The following NTNG2 variants were observed in gnomAD, a reference collection of about 807,000 sequenced individuals.
NTNG2 encodes netrin G2, also known as netrin-G2.
NTNG2 carries 15 observed loss-of-function variants against 47.6 expected under a neutral mutation model. The observed-to-expected ratio is 0.32, with a 90% CI of 0.21 to 0.49. NTNG2 has a LOEUF of 0.49. Among genes scored for constraint, NTNG2 ranks in the 20% least tolerant of loss-of-function variants. The pLI, the probability that NTNG2 is intolerant of heterozygous loss-of-function variation, is 0.99. For synonymous variants in NTNG2, 307 were observed against 324.6 expected, an observed-to-expected ratio of 0.95 and a Z score of 0.58; for missense variants, 578 against 764.6, an observed-to-expected ratio of 0.76 and a Z score of 2.88.
At chr9:132,187,018 G>A (rs535249876) in intron 2 of NTNG2, among the ~76,000 whole-genome samples, 39 of 152,346 alleles carry the variant, frequency 2.6e-4, no homozygotes, top group African/African-American at 8.4e-4. Flanking sequence ...GGTGAGGGGC[G>A]GTGAGGAGAG....
intron 3 of NTNG2, among the ~76,000 whole-genome samples, chr9:132,224,962 T>A (rs1417653934): frequency 3.3e-5 from 5 of 152,114 alleles, no homozygotes; most frequent in African/African-American, 1.2e-4. Context: ...TCGCTCTGTC[T>A]CCCAGGCTGG....
chr9:132,201,924 G>A (rs1838789001), intron 3 of NTNG2, among the ~76,000 whole-genome samples: 1 of 152,162 alleles, frequency 6.6e-6, no homozygotes, highest in South Asian at 2.1e-4. Flanking sequence ...TTCAGATGAA[G>A]AAGCCAAGGA....
chr9:132,238,142 G>A (rs982918209), intron 5 of NTNG2, among the ~76,000 whole-genome samples: 1 of 146,740 alleles, frequency 6.8e-6, no homozygotes, highest in East Asian at 2.1e-4. Flanking sequence ...TTGCTGGAGG[G>A]TGGGTGGGTG....
chr9:132,200,636 GT>G (rs1184851865), intron 3 of NTNG2, among the ~76,000 whole-genome samples: 1 of 152,154 alleles, frequency 6.6e-6, no homozygotes, highest in Non-Finnish European at 1.5e-5. Flanking sequence ...TTTGCATTTT[GT>G]TTCACTTTGA....
chr9:132,241,775 G>A, intron 7 of NTNG2, 101 bp from the exon 8 acceptor site: 1 of 870,360 alleles, frequency 1.1e-6, no homozygotes, highest in Non-Finnish European at 1.7e-6. Flanking sequence ...CCCCGGCCCA[G>A]ACGGCGCCCC....
rs770168260 is a variant in NTNG2 at position 132,166,955 on chromosome 9, A to G, written c.124A>G (p.Lys42Glu). Residue 42 changes from lysine (K) to glutamate (E), a missense_variant, in exon 2 of 8, where the codon AAG becomes GAG. By Grantham distance (56) the Lys-to-Glu change is moderately conservative (BLOSUM62 1). Transcript: ENST00000393229. ...CTGGGAGTTCTACGCCTGCCAGCCC[A>G]AGGTGATGCGCCTGAAGGACTACGT... ...PTWEFYACQP[K>E]VMRLKDYVKV... is the part of the protein sequence containing the mutation. 1.9e-6 allele frequency: 3 copies of G among 1,614,250 alleles called. No homozygotes were observed. Among genetic ancestry groups the G allele is most frequent in the Non-Finnish European group, 2.5e-6 (3 of 1,180,032 alleles).
intron 2 of NTNG2, among the ~76,000 whole-genome samples, chr9:132,190,581 C>T (rs965261007): frequency 4.6e-5 from 7 of 152,222 alleles, no homozygotes; most frequent in African/African-American, 1.7e-4. Flanking sequence ...CCCACAGGCA[C>T]ATTTACCTCC....
chr9:132,198,108 T>C lies in NTNG2; in HGVS notation c.356T>C (p.Leu119Pro). 6.2e-7 allele frequency: 1 copy of C among 1,613,872 alleles called. No homozygotes were observed. The highest frequency in any genetic ancestry group is 1.1e-5 in the South Asian group (1 of 91,084). ...SITWSRYPSPLEANITLSWNK... is the reference protein window; with the variant it reads ...SITWSRYPSPPEANITLSWNK... The stretch of plus-strand genomic sequence containing the variant: ...ACCTGGAGCCGCTACCCCAGCCCGC[T>C]GGAAGCCAACATCACCCTTTCGTGG... Residue 119 changes from leucine to proline, a missense_variant, in exon 3 of 8, where the codon CTG (leucine) becomes CCG (proline). By Grantham distance (98) the Leu-to-Pro change is moderately conservative (BLOSUM62 -3). Coordinates refer to ENST00000393229, the MANE Select transcript of NTNG2 (RefSeq NM_032536.4).
intron 4 of NTNG2, 46 bp downstream of exon 4, chr9:132,227,067 TC>T: frequency 6.6e-7 from 1 of 1,520,052 alleles, no homozygotes; most frequent in Non-Finnish European, 8.8e-7. Context: ...GCTATAATCT[TC>T]CCTGCCCGTC....
chr9:132,187,160 C>A (rs1837454627), intron 2 of NTNG2, among the ~76,000 whole-genome samples: 1 of 152,220 alleles, frequency 6.6e-6, no homozygotes, highest in Non-Finnish European at 1.5e-5. Context: ...TGTGGCCCCC[C>A]TGGGGGAGGA....
intron 3 of NTNG2, among the ~76,000 whole-genome samples, chr9:132,216,428 A>G (rs3929787): frequency 0.057 from 5,002 of 87,610 alleles, 593 homozygotes; most frequent in African/African-American, 0.22. Context: ...GTGTGTGTGT[A>G]TGTGTGTGTG....
rs1244259284 is a variant in NTNG2 at position 132,241,949 on chromosome 9, C to G, written c.1431C>G (p.Cys477Trp). The change falls in exon 8 of 8, where the codon TGC (cysteine) becomes TGG (tryptophan). Residue 477 changes from cysteine to tryptophan, a missense_variant. Cys to Trp is a radical substitution (Grantham distance 215). Coordinates refer to ENST00000393229, the MANE Select transcript of NTNG2 (RefSeq NM_032536.4). ...GTCLQNQRCA[C>W]PRGYTGVRCE... is the part of the protein sequence containing the mutation. ...GCCTGCAGAACCAGCGCTGCGCCTG[C>G]CCGCGCGGCTACACCGGCGTGCGCT... 1 of 1,558,356 alleles carries G rather than the reference C, an allele frequency of 6.4e-7. No individual in the cohort carries two copies. The highest frequency in any genetic ancestry group is 8.6e-7 in the Non-Finnish European group (1 of 1,160,560).
At chr9:132,214,334 C>T (rs1193852313) in intron 3 of NTNG2, among the ~76,000 whole-genome samples, 1 of 152,214 alleles carries the variant, frequency 6.6e-6, no homozygotes, top group Admixed American at 6.5e-5. Context: ...GCAGCAGCTC[C>T]CAGGCACTGC....
chr9:132,234,323 C>T (rs1297435277), intron 5 of NTNG2, among the ~76,000 whole-genome samples: 1 of 152,216 alleles, frequency 6.6e-6, no homozygotes, highest in Admixed American at 6.5e-5. Flanking sequence ...CCACCGCACC[C>T]GGCCAAGTAG....
rs1353655048 is a variant in NTNG2 at position 132,197,954 on chromosome 9, T to C, written c.214-12T>C. The C allele has an allele frequency of 6.2e-7, 1 of 1,601,574 alleles. No individual in the cohort carries two copies. Among genetic ancestry groups the C allele is most frequent in the Non-Finnish European group, 8.5e-7 (1 of 1,173,098 alleles). The stretch of plus-strand genomic sequence containing the variant: ...CAGCACCCACCCTTCCCTTCTCCTC[T>C]CCCCGCTGCAGGAGAATCCCTACCT... On this transcript the variant is annotated splice_polypyrimidine_tract_variant and intron_variant, in intron 2 of 7. Transcript: ENST00000393229. The surrounding 1 kb of genome is among the most constrained non-coding windows in gnomAD (Gnocchi z 4.3).
intron 3 of NTNG2, among the ~76,000 whole-genome samples, chr9:132,201,353 AGT>A (rs1315944819): frequency 6.6e-6 from 1 of 152,210 alleles, no homozygotes; most frequent in African/African-American, 2.4e-5. Flanking sequence ...TGGTGGCGAG[AGT>A]GTACAATCAA....
In NTNG2 at chr9:132,236,863, C is replaced by T. The variant is rs760703132; in HGVS notation, c.1055-2241C>T. On this transcript the variant is annotated intron_variant, in intron 5 of 7. Coordinates refer to ENST00000393229, the MANE Select transcript of NTNG2 (RefSeq NM_032536.4). The surrounding 1 kb of genome is among the most constrained non-coding windows in gnomAD (Gnocchi z 4.3). Reference sequence around the variant, plus strand: ...CGTGTTCCTGGCTTGACAGCACTTGCGAGTGGGACTCCAGGGACAGCGAAG... The same window carrying T: ...CGTGTTCCTGGCTTGACAGCACTTGTGAGTGGGACTCCAGGGACAGCGAAG... Among the ~76,000 whole-genome samples the T allele has an allele frequency of 2.0e-5, 3 of 152,150 alleles. No individual in the cohort carries two copies. Among genetic ancestry groups the T allele is most frequent in the Admixed American group, 6.5e-5 (1 of 15,292 alleles).
intron 3 of NTNG2, among the ~76,000 whole-genome samples, chr9:132,211,608 T>C (rs1839594544): frequency 6.6e-6 from 1 of 152,102 alleles, no homozygotes; most frequent in Non-Finnish European, 1.5e-5. Context: ...GCCTGGAACA[T>C]GACCTAGCCC....
intron 2 of NTNG2, among the ~76,000 whole-genome samples, chr9:132,186,521 C>T (rs764391082): frequency 6.6e-6 from 1 of 152,228 alleles, no homozygotes; most frequent in African/African-American, 2.4e-5. Context: ...CAGGGGTCTG[C>T]GGTCCTGATG....
Sources: gnomAD v4.1 joint callset for allele counts (sites outside exome capture counted in the v4.1 genomes callset) on GRCh38, gnomAD v4.1.1 for gene constraint, Gnocchi (gnomAD v3.1) non-coding constraint, MANE v1.5 for transcripts, NCBI Gene and HGNC (gene_info 2026-07-23, HGNC 2026-07-21) for gene names.